The following CELF2 variants were observed in gnomAD, a reference collection of about 807,000 sequenced individuals.
CELF2 encodes the protein CUG triplet repeat RNA-binding protein 2.
CELF2 carries 8 observed loss-of-function variants against 62.6 expected under a neutral mutation model. The ratio of observed to expected loss-of-function variants is 0.13; its 90% CI spans 0.07 to 0.23. The LOEUF (loss-of-function observed/expected upper bound fraction) is 0.23, where lower values mean the gene tolerates loss of function less well. CELF2 is among the 10% of genes least tolerant of loss of function. The probability of loss-of-function intolerance (pLI) is 1.00; values close to 1 mark genes in which losing one functional copy is unlikely to be tolerated. For synonymous variants in CELF2, 258 were observed against 250.0 expected (o/e 1.03, Z -0.30); for missense variants, 333 against 671.0 (o/e 0.50, Z 5.56).
chr10:11,164,934 C>G (rs1021809827), intron 1 of CELF2: 2 of 355,656 alleles, frequency 5.6e-6, no homozygotes, highest in Non-Finnish European at 7.9e-6. Flanking sequence ...TCACCCGCAT[C>G]TTGCATTAGT....
chr10:10,556,174 C>G, the CELF2 span, among the ~76,000 whole-genome samples: 1 of 151,986 alleles, frequency 6.6e-6, no homozygotes, highest in Non-Finnish European at 1.5e-5. Context: ...CAGTGCTATC[C>G]CTCCTCCCTC....
rs2091900391 is a variant in CELF2, at chr10:11,288,564, G to T, written c.976+12G>T. The stretch of plus-strand genomic sequence containing the variant: ...CCTCACGAGTCCCGGTGAGTGTGGG[G>T]GGTGCTCTTCCCTTGCAGGTGATGC... On this transcript the variant is annotated intron_variant, in intron 9 of 12. Coordinates refer to ENST00000633077, the MANE Select transcript of CELF2 (RefSeq NM_001326342.2). The T allele has an allele frequency of 3.7e-6, 6 of 1,612,764 alleles. No homozygotes were observed. The highest frequency in any genetic ancestry group is 3.3e-5 in the South Asian group (3 of 90,964).
chr10:11,087,888 C>T (rs1336200909), intron 1 of CELF2, among the ~76,000 whole-genome samples: 2 of 152,174 alleles, frequency 1.3e-5, no homozygotes, highest in Non-Finnish European at 2.9e-5. Context: ...GGTCTACTTC[C>T]CAGGGCCTCG....
chr10:10,488,870 G>C, the CELF2 span, among the ~76,000 whole-genome samples: 2 of 152,146 alleles, frequency 1.3e-5, no homozygotes, highest in East Asian at 3.9e-4. Context: ...GCAAGAAGGA[G>C]CTTGGGATCA....
rs1216094860 is a variant in CELF2 at position 11,214,403 on chromosome 10, A to G, written c.272-3022A>G. On this transcript the variant is annotated intron_variant, in intron 2 of 12. Coordinates refer to ENST00000633077, the MANE Select transcript of CELF2 (RefSeq NM_001326342.2). The surrounding 1 kb of genome is among the most constrained non-coding windows in gnomAD (Gnocchi z 4.2). Reference sequence around the variant, plus strand: ...ACCAAAAGAAGCCTCTGGGGTTAGTATTCCCAGTCTCCTTGTCTGCCCAGG... The same window carrying G: ...ACCAAAAGAAGCCTCTGGGGTTAGTGTTCCCAGTCTCCTTGTCTGCCCAGG... Among the ~76,000 whole-genome samples the G allele has an allele frequency of 6.6e-6, 1 of 152,230 alleles. No homozygotes were observed. Among genetic ancestry groups the G allele is most frequent in the African/African-American group, 2.4e-5 (1 of 41,470 alleles).
rs189281682 is a variant in CELF2 at position 10,812,276 on chromosome 10, A to G, written c.53+13459A>G. Among the ~76,000 whole-genome samples the G allele has an allele frequency of 3.2e-4, 48 of 152,310 alleles. No individual in the cohort carries two copies. The East Asian group carries it at 7.9e-3, about 25-fold the overall frequency. Reference sequence around the variant, plus strand: ...AAAAGGGGAAACCCCTTATCAAACCATCAGATCTTGTGAGACTTATTCACT... The same window carrying G: ...AAAAGGGGAAACCCCTTATCAAACCGTCAGATCTTGTGAGACTTATTCACT... On this transcript the variant is annotated intron_variant, in intron 1 of 13. Transcript: ENST00000636488.
intron 2 of CELF2, among the ~76,000 whole-genome samples, chr10:11,215,926 C>G (rs959150519): frequency 2.0e-5 from 3 of 152,130 alleles, no homozygotes; most frequent in African/African-American, 7.2e-5. Context: ...TGAAGTTGAT[C>G]GGTTCAGTAA....
chr10:10,807,266 C>T (rs1329073479), intron 1 of CELF2, among the ~76,000 whole-genome samples: 1 of 152,140 alleles, frequency 6.6e-6, no homozygotes, highest in Non-Finnish European at 1.5e-5. Context: ...TTAGGCTTGC[C>T]AGGACATGAC....
chr10:11,167,669 C>T (rs997000030), intron 2 of CELF2, among the ~76,000 whole-genome samples: 1 of 152,216 alleles, frequency 6.6e-6, no homozygotes, highest in Non-Finnish European at 1.5e-5. Flanking sequence ...TTGTTAACTT[C>T]TGTTCACTGT....
intron 1 of CELF2, among the ~76,000 whole-genome samples, chr10:11,153,844 T>C (rs1164372399): frequency 6.6e-6 from 1 of 152,172 alleles, no homozygotes; most frequent in Non-Finnish European, 1.5e-5. Flanking sequence ...AATTGTACAG[T>C]TTTTTCCCCT....
the CELF2 span, among the ~76,000 whole-genome samples, chr10:10,501,848 G>T: frequency 1.3e-5 from 2 of 152,168 alleles, no homozygotes; most frequent in African/African-American, 2.4e-5. Flanking sequence ...CATTGTCCTT[G>T]ATATTGGAGT....
At chr10:11,107,533 C>A (rs1244536700) in intron 1 of CELF2, among the ~76,000 whole-genome samples, 1 of 152,102 alleles carries the variant, frequency 6.6e-6, no homozygotes, top group Non-Finnish European at 1.5e-5. Context: ...TTCACACTTA[C>A]TGCAGTCCCA....
At chr10:10,603,252 T>C in the CELF2 span, among the ~76,000 whole-genome samples, 3 of 151,928 alleles carry the variant, frequency 2.0e-5, no homozygotes, top group East Asian at 3.9e-4. Context: ...CTTAAATCTG[T>C]TTTAAAGCAA....
the CELF2 span, among the ~76,000 whole-genome samples, chr10:10,694,766 G>C: frequency 6.6e-6 from 1 of 151,424 alleles, no homozygotes; most frequent in African/African-American, 2.4e-5. Context: ...CCATTATGTA[G>C]TGGCCTTCTT....
At position 11,223,084 on chromosome 10, in the gene CELF2, A is replaced by G. The variant is rs1288514178; in HGVS notation, c.354+5577A>G. 1.3e-5 allele frequency among the ~76,000 whole-genome samples: 2 copies of G among 152,218 alleles called. No homozygotes were observed. The highest frequency in any genetic ancestry group is 4.8e-5 in the African/African-American group (2 of 41,454). On this transcript the variant is annotated intron_variant, in intron 3 of 12. Transcript: ENST00000633077. The surrounding 1 kb of genome is among the most constrained non-coding windows in gnomAD (Gnocchi z 5.1). ...TATTTGAGGCTTCACCAACGATCTC[A>G]GTTCCTTGGTGTAATTATAATTCTT...
the CELF2 span, among the ~76,000 whole-genome samples, chr10:10,515,470 T>C: frequency 5.3e-5 from 8 of 152,196 alleles, no homozygotes; most frequent in Non-Finnish European, 1.2e-4. Context: ...TATTTATATT[T>C]AATAATAAGG....
chr10:10,609,357 C>T, the CELF2 span, among the ~76,000 whole-genome samples: 1 of 147,278 alleles, frequency 6.8e-6, no homozygotes, highest in Non-Finnish European at 1.5e-5. Flanking sequence ...GCATCCCATC[C>T]AATAAGTCAT....
intron 2 of CELF2, among the ~76,000 whole-genome samples, chr10:11,198,931 G>C (rs1284238059): frequency 6.6e-6 from 1 of 152,198 alleles, no homozygotes; most frequent in Non-Finnish European, 1.5e-5. Flanking sequence ...TCTTCAAACT[G>C]TAAGTAGAAC....
chr10:11,182,353 ATCACTTTAT>A (rs2073702812), intron 2 of CELF2, among the ~76,000 whole-genome samples: 1 of 152,164 alleles, frequency 6.6e-6, no homozygotes, highest in Non-Finnish European at 1.5e-5. Context: ...GTTTTCATCC[ATCACTTTAT>A]TCACTTAGTG....
Sources: gnomAD v4.1 joint callset for allele counts (sites outside exome capture counted in the v4.1 genomes callset) on GRCh38, gnomAD v4.1.1 for gene constraint, Gnocchi (gnomAD v3.1) non-coding constraint, MANE v1.5 for transcripts, NCBI Gene and HGNC (gene_info 2026-07-23, HGNC 2026-07-21) for gene names.